KLHL1: variants seen among roughly 807,000 people sequenced by gnomAD.
KLHL1 encodes kelch like family member 1.
A neutral mutation model predicts 77.7 loss-of-function variants in KLHL1; 47 were observed. That is an observed-to-expected ratio of 0.60 (90% CI 0.48 to 0.77). The LOEUF is 0.77. Among genes scored for constraint, KLHL1 ranks in the 30% least tolerant of loss-of-function variants. The probability of loss-of-function intolerance (pLI) is 0.00; values close to 1 mark genes in which losing one functional copy is unlikely to be tolerated. For missense variants in KLHL1, 925 were observed against 910.8 expected, an observed-to-expected ratio of 1.02 and a Z score of -0.20; for synonymous variants, 360 against 325.2, an observed-to-expected ratio of 1.11 and a Z score of -1.15.
chr13:69,809,248 A>C (rs75433930), intron 6 of KLHL1, among the ~76,000 whole-genome samples: 2,029 of 152,260 alleles, frequency 0.013, 35 homozygotes, highest in Non-Finnish European at 0.019. Flanking sequence ...CCCAAGGCAC[A>C]CAGTCATCAG....
intron 4 of KLHL1, among the ~76,000 whole-genome samples, chr13:69,892,460 C>T (rs1881457745): frequency 6.6e-6 from 1 of 152,268 alleles, no homozygotes; most frequent in Non-Finnish European, 1.5e-5. Context: ...AAGATAGCCT[C>T]TCTGCTTTTC....
intron 1 of KLHL1, among the ~76,000 whole-genome samples, chr13:70,069,315 C>A (rs1038116339): frequency 6.6e-6 from 1 of 152,156 alleles, no homozygotes; most frequent in African/African-American, 2.4e-5. Flanking sequence ...ACAGGGGCAC[C>A]AGAAGGAGTC....
intron 1 of KLHL1, among the ~76,000 whole-genome samples, chr13:70,082,510 A>G (rs1323434988): frequency 6.6e-6 from 1 of 152,174 alleles, no homozygotes; most frequent in African/African-American, 2.4e-5. Flanking sequence ...CATAATTTTC[A>G]TATTTCAGCT....
At chr13:70,006,674 C>G (rs891580974) in intron 1 of KLHL1, among the ~76,000 whole-genome samples, 1 of 151,744 alleles carries the variant, frequency 6.6e-6, no homozygotes, top group Non-Finnish European at 1.5e-5. Flanking sequence ...GAATGTTTCT[C>G]TCATGGACAT....
At chr13:69,762,284 CAATT>C (rs1453575492) in intron 7 of KLHL1, among the ~76,000 whole-genome samples, 1 of 152,034 alleles carries the variant, frequency 6.6e-6, no homozygotes, top group Non-Finnish European at 1.5e-5. Flanking sequence ...TGATTGATGA[CAATT>C]AATCTACTTC....
chr13:70,008,792 A>G (rs1348870003), intron 1 of KLHL1, among the ~76,000 whole-genome samples: 1 of 152,042 alleles, frequency 6.6e-6, no homozygotes, highest in African/African-American at 2.4e-5. Flanking sequence ...ATAGCAATTT[A>G]ATTATTCACC....
intron 3 of KLHL1, among the ~76,000 whole-genome samples, chr13:69,945,020 T>C (rs112675712): frequency 0.12 from 17,844 of 143,078 alleles, 2,018 homozygotes; most frequent in African/African-American, 0.27. Context: ...GAGTCTCACT[T>C]TGTCGCCCAG....
chr13:69,737,152 T>C (rs1566197298), intron 8 of KLHL1, among the ~76,000 whole-genome samples: 1 of 152,132 alleles, frequency 6.6e-6, no homozygotes, highest in African/African-American at 2.4e-5. Flanking sequence ...CCTTGAAAAC[T>C]ATGCTTTTCC....
intron 6 of KLHL1, among the ~76,000 whole-genome samples, chr13:69,814,305 T>G (rs1343866421): frequency 6.6e-6 from 1 of 152,062 alleles, no homozygotes; most frequent in African/African-American, 2.4e-5. Context: ...GAACAATACC[T>G]ATAAAACACT....
intron 6 of KLHL1, among the ~76,000 whole-genome samples, chr13:69,803,836 C>T (rs909994123): frequency 1.3e-5 from 2 of 152,156 alleles, no homozygotes; most frequent in African/African-American, 4.8e-5. Flanking sequence ...AAAACAGTAC[C>T]TCAGTTCTAC....
At chr13:69,971,749 C>T (rs527491777) in intron 2 of KLHL1, among the ~76,000 whole-genome samples, 25 of 152,062 alleles carry the variant, frequency 1.6e-4, no homozygotes, top group Admixed American at 1.2e-3. Flanking sequence ...CCTTAATTAT[C>T]TTATGGTTTA....
intron 8 of KLHL1, among the ~76,000 whole-genome samples, chr13:69,726,220 T>G (rs2137905994): frequency 6.6e-6 from 1 of 152,296 alleles, no homozygotes; most frequent in African/African-American, 2.4e-5. Context: ...CTGTATTTGG[T>G]TACCCAGAAA....
chr13:69,845,766 C>T (rs184527945), intron 5 of KLHL1, among the ~76,000 whole-genome samples: 2 of 151,384 alleles, frequency 1.3e-5, no homozygotes, highest in African/African-American at 4.8e-5. Context: ...ATCTTGAAAT[C>T]ATGTGGAGCA....
At chr13:69,863,206 G>GT (rs1040162314) in intron 5 of KLHL1, among the ~76,000 whole-genome samples, 3 of 151,692 alleles carry the variant, frequency 2.0e-5, no homozygotes, top group Admixed American at 1.3e-4. Context: ...TTTTATTTTT[G>GT]TTTTTTCTCA....
At chr13:69,710,633 T>A (rs187362979) in intron 9 of KLHL1, among the ~76,000 whole-genome samples, 57 of 152,184 alleles carry the variant, frequency 3.7e-4, no homozygotes, top group African/African-American at 1.3e-3. Flanking sequence ...GGGATTCACC[T>A]CTCAGCATGG....
chr13:69,837,616 A>C lies in KLHL1; in HGVS notation c.1414+1360T>G, dbSNP rs145218874. ...TATATACACATACATCTCTCTCTCT[A>C]TATATATGTGTGTGTATATATATAT... On this transcript the variant is annotated intron_variant, in intron 6 of 10. Transcript: ENST00000377844. 6.7e-3 allele frequency among the ~76,000 whole-genome samples: 742 copies of C among 111,180 alleles called. 19 individuals carry two copies. The highest frequency in any genetic ancestry group is 0.025 in the Middle Eastern group (6 of 240). 72.9% of individuals were successfully genotyped at this position (111,180 alleles called of 152,430 possible).
chr13:70,044,537 T>C (rs1322769540), intron 1 of KLHL1, among the ~76,000 whole-genome samples: 5 of 152,138 alleles, frequency 3.3e-5, no homozygotes, highest in Admixed American at 6.6e-5. Context: ...TGTATCAGTT[T>C]ATGGAAAATT....
chr13:69,987,440 A>C (rs1884903029), intron 1 of KLHL1, among the ~76,000 whole-genome samples: 1 of 152,096 alleles, frequency 6.6e-6, no homozygotes, highest in African/African-American at 2.4e-5. Context: ...ATTTTCAGCT[A>C]TTCAATAAAA....
intron 4 of KLHL1, among the ~76,000 whole-genome samples, chr13:69,907,327 T>C (rs2138237080): frequency 6.6e-6 from 1 of 152,176 alleles, no homozygotes; most frequent in South Asian, 2.1e-4. Flanking sequence ...AACACTGACA[T>C]TGACACTGCA....
Sources: allele counts gnomAD v4.1 joint callset (sites outside exome capture counted in the v4.1 genomes callset), GRCh38; gene constraint gnomAD v4.1.1; transcripts MANE v1.5; gene names NCBI Gene and HGNC (gene_info 2026-07-23, HGNC 2026-07-21).